Variants in RAPGEF2 observed in about 807,000 individuals in gnomAD.
RAPGEF2 encodes the protein PDZ domain containing guanine nucleotide exchange factor (GEF) 1.
Under a neutral mutation model 186.7 loss-of-function variants are expected in RAPGEF2, and 54 were observed. The observed-to-expected ratio is 0.29, with a 90% CI of 0.23 to 0.36. RAPGEF2 has a LOEUF of 0.36. Among genes scored for constraint, RAPGEF2 ranks in the 10% least tolerant of loss-of-function variants. The pLI, the probability that RAPGEF2 is intolerant of heterozygous loss-of-function variation, is 1.00. For missense variants in RAPGEF2, 1,532 were observed against 2,045.0 expected (o/e 0.75, Z 4.84); for synonymous variants, 712 against 705.9 (o/e 1.01, Z -0.14).
intron 18 of RAPGEF2, among the ~76,000 whole-genome samples, chr4:159,338,815 A>G (rs963738446): frequency 6.6e-6 from 1 of 152,238 alleles, no homozygotes; most frequent in African/African-American, 2.4e-5. Flanking sequence ...TACAGTAAAG[A>G]TTAACTCTGG....
intron 7 of RAPGEF2, among the ~76,000 whole-genome samples, chr4:159,262,426 G>A (rs1046956192): frequency 6.6e-5 from 10 of 152,006 alleles, no homozygotes; most frequent in African/African-American, 1.4e-4. Flanking sequence ...CTACAGCCTC[G>A]CCCCTAGAAA....
intron 7 of RAPGEF2, among the ~76,000 whole-genome samples, chr4:159,295,746 TGTGTGTGTGCGC>T (rs1480398297): frequency 3.4e-4 from 43 of 125,624 alleles, no homozygotes; most frequent in South Asian, 2.5e-3. Flanking sequence ...TGTGTGTGTG[TGTGTGTGTGCGC>T]GCGCGCGCGC....
intron 13 of RAPGEF2, among the ~76,000 whole-genome samples, chr4:159,331,094 A>G (rs1317490994): frequency 1.3e-5 from 2 of 151,996 alleles, no homozygotes; most frequent in African/African-American, 4.8e-5. Context: ...TTGACTTTCT[A>G]GTTTCTGTCT....
chr4:159,142,015 T>A (rs1317406026), intron 1 of RAPGEF2, among the ~76,000 whole-genome samples: 1 of 152,238 alleles, frequency 6.6e-6, no homozygotes, highest in Non-Finnish European at 1.5e-5. Context: ...CAAATTCCCC[T>A]GTACCTTCTG....
At chr4:159,247,259 G>A (rs1754752635) in intron 7 of RAPGEF2, among the ~76,000 whole-genome samples, 1 of 151,994 alleles carries the variant, frequency 6.6e-6, no homozygotes, top group Non-Finnish European at 1.5e-5. Context: ...TCTGTCCCAG[G>A]CTCTAGAGAT....
At chr4:159,322,983 A>G (rs1579936091) in intron 10 of RAPGEF2, among the ~76,000 whole-genome samples, 1 of 152,338 alleles carries the variant, frequency 6.6e-6, no homozygotes, top group East Asian at 1.9e-4. Flanking sequence ...GAGCCACACC[A>G]TATGAGTCAC....
At chr4:159,302,577 C>A (rs1465460500) in intron 7 of RAPGEF2, among the ~76,000 whole-genome samples, 1 of 152,014 alleles carries the variant, frequency 6.6e-6, no homozygotes, top group Non-Finnish European at 1.5e-5. Flanking sequence ...TATCTGATCA[C>A]CATTTAGCTA....
At chr4:159,123,149 T>A (rs779217608) in intron 1 of RAPGEF2, among the ~76,000 whole-genome samples, 4 of 152,180 alleles carry the variant, frequency 2.6e-5, no homozygotes, top group Non-Finnish European at 5.9e-5. Context: ...AGTAGGCTAT[T>A]AGTAGCTAAG....
At chr4:159,321,792 A>G (rs1300439623) in intron 9 of RAPGEF2, among the ~76,000 whole-genome samples, 1 of 152,174 alleles carries the variant, frequency 6.6e-6, no homozygotes, top group African/African-American at 2.4e-5. Context: ...TTTTTTGCCA[A>G]CTTGTGGGCT....
chr4:159,207,115 T>G (rs1440292700), intron 3 of RAPGEF2, among the ~76,000 whole-genome samples: 1 of 152,208 alleles, frequency 6.6e-6, no homozygotes. Flanking sequence ...CTAAAGCAAA[T>G]ATAACTCTTG....
intron 1 of RAPGEF2, among the ~76,000 whole-genome samples, chr4:159,178,714 C>T (rs1233136067): frequency 2.0e-5 from 3 of 151,968 alleles, no homozygotes; most frequent in African/African-American, 7.3e-5. Flanking sequence ...CACACTACCA[C>T]GCCCGGCTAG....
chr4:159,151,301 A>G (rs1031750942), intron 1 of RAPGEF2, among the ~76,000 whole-genome samples: 4 of 152,174 alleles, frequency 2.6e-5, no homozygotes, highest in Middle Eastern at 3.2e-3. Flanking sequence ...CGCTTATCTC[A>G]GGAGTCCAGG....
intron 9 of RAPGEF2, among the ~76,000 whole-genome samples, chr4:159,317,040 A>G (rs1189060319): frequency 6.6e-6 from 1 of 152,184 alleles, no homozygotes; most frequent in Non-Finnish European, 1.5e-5. Flanking sequence ...TTTGAAGGGC[A>G]ATTAAATGAA....
chr4:159,344,252 T>G (rs1729965951), intron 23 of RAPGEF2, among the ~76,000 whole-genome samples, 193 bp downstream of exon 23: 1 of 152,214 alleles, frequency 6.6e-6, no homozygotes, highest in African/African-American at 2.4e-5. Context: ...GAAGTCATGA[T>G]CCATGAGAGC....
In RAPGEF2 at chr4:159,131,401, C is replaced by T. The variant is rs143456007; in HGVS notation, c.69+27170C>T. On this transcript the variant is annotated intron_variant, in intron 1 of 29. Transcript: ENST00000691494. ...CTGGGATTACAGGCATGAGCCACCG[C>T]GCCCAGCCTCGCATGGTTTTAATAA... Among the ~76,000 whole-genome samples, 858 of 152,240 alleles carry T rather than the reference C, an allele frequency of 5.6e-3. 12 individuals carry two copies. The highest frequency in any genetic ancestry group is 0.019 in the African/African-American group (804 of 41,538).
Position 159,138,021 on chromosome 4 carries a change from A to G in RAPGEF2, c.69+33790A>G, listed in dbSNP as rs568875013. ...TTGCATTATTAATTTTCATGGTATAATTGACTTTCGCACAGACTGAATTAC... is the reference window on the plus strand; with the variant it reads ...TTGCATTATTAATTTTCATGGTATAGTTGACTTTCGCACAGACTGAATTAC... On this transcript the variant is annotated intron_variant, in intron 1 of 29. Transcript: ENST00000691494. Among the ~76,000 whole-genome samples the G allele has an allele frequency of 4.6e-5, 7 of 152,320 alleles. No individual in the cohort carries two copies. In the South Asian group the frequency reaches 1.5e-3, roughly 32 times the overall value.
intron 7 of RAPGEF2, among the ~76,000 whole-genome samples, chr4:159,254,976 C>T (rs1755975665): frequency 6.6e-6 from 1 of 152,116 alleles, no homozygotes; most frequent in African/African-American, 2.4e-5. Flanking sequence ...CAACAGTGGT[C>T]CTGTAAGATG....
At chr4:159,144,891 T>TTTG (rs1742760731) in intron 1 of RAPGEF2, among the ~76,000 whole-genome samples, 1 of 139,744 alleles carries the variant, frequency 7.2e-6, no homozygotes, top group African/African-American at 2.7e-5. Context: ...TTTTTTTTTT[T>TTTG]TTTTTTTTTT....
intron 1 of RAPGEF2, among the ~76,000 whole-genome samples, chr4:159,129,169 T>C (rs146000260): frequency 2.0e-5 from 3 of 152,104 alleles, no homozygotes; most frequent in African/African-American, 4.8e-5. Context: ...AGAAATCTTA[T>C]CGCTTTCTTT....
Sources: allele counts gnomAD v4.1 joint callset (sites outside exome capture counted in the v4.1 genomes callset), GRCh38; gene constraint gnomAD v4.1.1; transcripts MANE v1.5; gene names NCBI Gene and HGNC (gene_info 2026-07-23, HGNC 2026-07-21).